The following TRAPPC9 variants were observed in gnomAD, a reference collection of about 807,000 sequenced individuals.
TRAPPC9 encodes the protein trafficking protein particle complex subunit 9.
TRAPPC9 carries 83 observed loss-of-function variants against 124.0 expected under a neutral mutation model. The observed-to-expected ratio is 0.67, with a 90% CI of 0.56 to 0.80. TRAPPC9 has a LOEUF of 0.80. Among genes scored for constraint, TRAPPC9 ranks in the 30% least tolerant of loss-of-function variants. The pLI, the probability that TRAPPC9 is intolerant of heterozygous loss-of-function variation, is 0.00. For synonymous variants in TRAPPC9, 638 were observed against 617.5 expected (o/e 1.03, Z -0.49); for missense variants, 1,302 against 1,508.3 (o/e 0.86, Z 2.27).
chr8:139,798,711 A>G (rs1233506723), intron 21 of TRAPPC9, among the ~76,000 whole-genome samples: 1 of 152,230 alleles, frequency 6.6e-6, no homozygotes, highest in Non-Finnish European at 1.5e-5. Flanking sequence ...GTCCTAGCCA[A>G]CACTTCCCTG....
intron 9 of TRAPPC9, among the ~76,000 whole-genome samples, chr8:140,329,656 G>C (rs2066843961): frequency 6.6e-6 from 1 of 152,164 alleles, no homozygotes; most frequent in Non-Finnish European, 1.5e-5. Context: ...CAGGCTTCTT[G>C]AATCTATTGC....
At chr8:140,160,183 T>C (rs2061721181) in intron 17 of TRAPPC9, among the ~76,000 whole-genome samples, 1 of 152,188 alleles carries the variant, frequency 6.6e-6, no homozygotes, top group South Asian at 2.1e-4. Context: ...TAGGAACGCT[T>C]TTACACTGTT....
At chr8:139,887,144 G>C (rs577797859) in intron 20 of TRAPPC9, among the ~76,000 whole-genome samples, 1 of 152,128 alleles carries the variant, frequency 6.6e-6, no homozygotes, top group Non-Finnish European at 1.5e-5. Flanking sequence ...ACCAGCAGCA[G>C]GACAGGCTAA....
At chr8:140,062,079 T>C (rs971746802) in intron 17 of TRAPPC9, among the ~76,000 whole-genome samples, 3 of 152,154 alleles carry the variant, frequency 2.0e-5, no homozygotes, top group Admixed American at 2.0e-4. Flanking sequence ...TTCACCCTTC[T>C]GACCTGAGGA....
intron 16 of TRAPPC9, among the ~76,000 whole-genome samples, chr8:140,231,996 A>T (rs1367893932): frequency 6.6e-6 from 1 of 151,750 alleles, no homozygotes; most frequent in Non-Finnish European, 1.5e-5. Context: ...CTGGTCTCGA[A>T]CTCCTGACCT....
At chr8:139,866,379 C>A (rs986731111) in intron 21 of TRAPPC9, among the ~76,000 whole-genome samples, 1 of 152,146 alleles carries the variant, frequency 6.6e-6, no homozygotes, top group African/African-American at 2.4e-5. Flanking sequence ...TTGGTTGATG[C>A]ACCCCGTGTG....
At chr8:140,289,853 T>A (rs1253743426) in intron 12 of TRAPPC9, among the ~76,000 whole-genome samples, 1 of 152,060 alleles carries the variant, frequency 6.6e-6, no homozygotes, top group African/African-American at 2.4e-5. Flanking sequence ...GGAGAGGCGC[T>A]CCTCCCGAGC....
rs1015598780 is a variant in TRAPPC9 at position 140,216,191 on chromosome 8, G to GAC, written c.2556+5267_2556+5268insGT. ...GCACCTACTCAAACAACTCTCAAGG[G>GAC]AATCCAAAAGGACAATTTCGATGCA... is the stretch of plus-strand genomic sequence containing the variant. On this transcript the variant is annotated intron_variant, in intron 17 of 22. Coordinates refer to ENST00000438773, the MANE Select transcript of TRAPPC9 (RefSeq NM_001160372.4). The surrounding 1 kb of genome is among the most constrained non-coding windows in gnomAD (Gnocchi z 4.1). 6.6e-6 allele frequency: 1 copy of GAC among 152,184 alleles called. No individual in the cohort carries two copies. The highest frequency in any genetic ancestry group is 1.5e-5 in the Non-Finnish European group (1 of 68,038). 9.4% of individuals were successfully genotyped at this position (152,184 alleles called of 1,614,324 possible). A position where few individuals can be genotyped will look rare whatever the true frequency, so the allele number is the denominator to read the frequency against.
intron 21 of TRAPPC9, among the ~76,000 whole-genome samples, chr8:139,802,749 A>C (rs757314164): frequency 2.0e-5 from 3 of 152,184 alleles, no homozygotes; most frequent in Non-Finnish European, 4.4e-5. Context: ...GGAAAAAGTG[A>C]CTGTCAGTGC....
At chr8:139,992,800 T>C (rs990521534) in intron 18 of TRAPPC9, among the ~76,000 whole-genome samples, 9 of 151,970 alleles carry the variant, frequency 5.9e-5, no homozygotes, top group African/African-American at 2.2e-4. Context: ...ATTGGTGGCA[T>C]TGATTAATTA....
chr8:140,073,597 C>T (rs776457576), intron 17 of TRAPPC9, among the ~76,000 whole-genome samples: 32 of 152,094 alleles, frequency 2.1e-4, no homozygotes, highest in African/African-American at 3.1e-4. Context: ...AAATGTTCTA[C>T]GAGGGAGAAG....
chr8:140,102,296 G>C (rs1280909594), intron 17 of TRAPPC9, among the ~76,000 whole-genome samples: 1 of 152,106 alleles, frequency 6.6e-6, no homozygotes, highest in Non-Finnish European at 1.5e-5. Context: ...GTGTTTTCCT[G>C]ACTACCCAGG....
chr8:140,223,872 G>C lies in TRAPPC9; in HGVS notation c.2432-2289C>G, dbSNP rs147704202. Among the ~76,000 whole-genome samples the C allele has an allele frequency of 8.1e-4, 123 of 152,226 alleles. 1 individual carries two copies. The highest frequency in any genetic ancestry group is 6.8e-3 in the Middle Eastern group (2 of 294). On this transcript the variant is annotated intron_variant, in intron 16 of 22. Transcript: ENST00000438773. The stretch of plus-strand genomic sequence containing the variant: ...GAAGAATTAAGCAATTTTCTACTTA[G>C]AGGCTTCAAATCTTCAAAAGCTAAA...
intron 17 of TRAPPC9, among the ~76,000 whole-genome samples, chr8:140,141,211 C>T (rs1010535773): frequency 6.6e-5 from 10 of 152,132 alleles, no homozygotes; most frequent in Non-Finnish European, 7.3e-5. Flanking sequence ...CGTGGTCAAC[C>T]GTGGTTCAAA....
At chr8:140,201,152 G>A (rs1186698081) in intron 17 of TRAPPC9, among the ~76,000 whole-genome samples, 1 of 152,164 alleles carries the variant, frequency 6.6e-6, no homozygotes, top group Non-Finnish European at 1.5e-5. Context: ...AGGCAGAGGC[G>A]GGACTGTGGC....
At chr8:140,088,880 G>T (rs1476656433) in intron 17 of TRAPPC9, among the ~76,000 whole-genome samples, 2 of 152,048 alleles carry the variant, frequency 1.3e-5, no homozygotes, top group Admixed American at 1.3e-4. Flanking sequence ...CCACTTTTAG[G>T]GGAAATAACT....
At chr8:140,161,444 C>T (rs1230203988) in intron 17 of TRAPPC9, among the ~76,000 whole-genome samples, 1 of 151,480 alleles carries the variant, frequency 6.6e-6, no homozygotes, top group Non-Finnish European at 1.5e-5. Flanking sequence ...GGAATATCTG[C>T]ATATACGTAA....
chr8:140,283,883 C>T lies in TRAPPC9; in HGVS notation c.2114+6G>A, dbSNP rs2065403253. 1 of 1,613,838 alleles carries T rather than the reference C, an allele frequency of 6.2e-7. No individual in the cohort carries two copies. Among genetic ancestry groups the T allele is most frequent in the Non-Finnish European group, 8.5e-7 (1 of 1,179,976 alleles). ...CACTCTGCTCTGTGACCCTCGTGCA[C>T]ACTACCTGGGCAGAGAGGTGCTGAT... On this transcript the variant is annotated splice_donor_region_variant and intron_variant, in intron 14 of 22. Coordinates refer to ENST00000438773, the MANE Select transcript of TRAPPC9 (RefSeq NM_001160372.4).
In TRAPPC9 at chr8:140,404,906, ATGCGTGTGTG is replaced by A. The variant is rs1564002444; in HGVS notation, c.1008+661_1008+670del. Among the ~76,000 whole-genome samples, 11 of 59,646 alleles carry A rather than the reference ATGCGTGTGTG, an allele frequency of 1.8e-4. No homozygotes were observed. In the South Asian group the frequency reaches 5.5e-3, roughly 30 times the overall value. 39.1% of individuals were successfully genotyped at this position (59,646 alleles called of 152,430 possible). On this transcript the variant is annotated intron_variant, in intron 6 of 22. Coordinates refer to ENST00000438773, the MANE Select transcript of TRAPPC9 (RefSeq NM_001160372.4). ...TGCATGTGTGCACGTGTGTGTGAGC[ATGCGTGTGTG>A]TGTGTGTGTGTGTGTGTGTGTGTGT...
Sources: gnomAD v4.1 joint callset for allele counts (sites outside exome capture counted in the v4.1 genomes callset) on GRCh38, gnomAD v4.1.1 for gene constraint, Gnocchi (gnomAD v3.1) non-coding constraint, MANE v1.5 for transcripts, NCBI Gene and HGNC (gene_info 2026-07-23, HGNC 2026-07-21) for gene names.